Variants in REDIC1 observed in about 807,000 individuals in gnomAD.
The protein encoded by REDIC1 is regulator of DNA class I crossover intermediates 1, also known as HEI10 Interacting Protein 1.
At chr12:39,646,808 A>T in the REDIC1 span, 1 of 1,428,942 alleles carries the variant, frequency 7.0e-7, no homozygotes, top group Non-Finnish European at 9.7e-7. Context: ...ATTTCAATTT[A>T]TATTTTTAAC....
the REDIC1 span, among the ~76,000 whole-genome samples, chr12:39,762,579 G>C: frequency 6.6e-6 from 1 of 152,040 alleles, no homozygotes; most frequent in Admixed American, 6.6e-5. Flanking sequence ...ATATGGTTGA[G>C]GAAGGAATCA....
the REDIC1 span, among the ~76,000 whole-genome samples, chr12:39,655,525 C>T: frequency 6.6e-6 from 1 of 152,184 alleles, no homozygotes; most frequent in Non-Finnish European, 1.5e-5. Context: ...TAGATGACCT[C>T]AGGTCTGGGA....
the REDIC1 span, among the ~76,000 whole-genome samples, chr12:39,712,863 ACAC>A: frequency 7.1e-5 from 1 of 13,994 alleles, no homozygotes; most frequent in African/African-American, 1.0e-4. Flanking sequence ...ATATGTATAT[ACAC>A]GTATATACAC....
At chr12:39,683,391 C>A in the REDIC1 span, 1 of 1,501,880 alleles carries the variant, frequency 6.7e-7, no homozygotes, top group South Asian at 1.1e-5. Flanking sequence ...ATTTTTAACT[C>A]GGTGCATACT....
chr12:39,752,421 C>T, the REDIC1 span, among the ~76,000 whole-genome samples: 1 of 152,158 alleles, frequency 6.6e-6, no homozygotes, highest in Non-Finnish European at 1.5e-5. Flanking sequence ...CCCCATCAAT[C>T]CCCAACCTCC....
chr12:39,827,134 G>A, the REDIC1 span, among the ~76,000 whole-genome samples: 1 of 151,594 alleles, frequency 6.6e-6, no homozygotes, highest in Non-Finnish European at 1.5e-5. Flanking sequence ...ATTCCATGTG[G>A]ATTCCTAACA....
the REDIC1 span, among the ~76,000 whole-genome samples, chr12:39,845,413 TATC>T: frequency 1.3e-5 from 2 of 152,126 alleles, no homozygotes; most frequent in South Asian, 2.1e-4. Context: ...GCATTAGGCT[TATC>T]ATATTATAAG....
chr12:39,776,038 TGA>T, the REDIC1 span, among the ~76,000 whole-genome samples: 2 of 152,220 alleles, frequency 1.3e-5, no homozygotes, highest in Non-Finnish European at 2.9e-5. Context: ...AGTATTAATT[TGA>T]GAAGATGGGA....
At chr12:39,846,520 C>T in the REDIC1 span, among the ~76,000 whole-genome samples, 2 of 152,148 alleles carry the variant, frequency 1.3e-5, no homozygotes, top group African/African-American at 2.4e-5. Flanking sequence ...GGTGCAATCT[C>T]AGGTTACTTC....
At chr12:39,880,560 C>A in the REDIC1 span, among the ~76,000 whole-genome samples, 2 of 152,074 alleles carry the variant, frequency 1.3e-5, no homozygotes, top group Non-Finnish European at 2.9e-5. Context: ...ATACAAAAAT[C>A]ATAGAAACCT....
At chr12:39,899,459 G>GT in the REDIC1 span, among the ~76,000 whole-genome samples, 8 of 152,168 alleles carry the variant, frequency 5.3e-5, no homozygotes, top group Non-Finnish European at 2.9e-5. Context: ...TTTTTAAAGG[G>GT]TTTTTTGTGT....
chr12:39,907,091 A>G, the REDIC1 span, among the ~76,000 whole-genome samples: 1,014 of 152,292 alleles, frequency 6.7e-3, 3 homozygotes, highest in Middle Eastern at 0.021. Flanking sequence ...TTTACATGCT[A>G]TCATATTCAT....
chr12:39,891,299 T>C, the REDIC1 span, among the ~76,000 whole-genome samples: 2 of 151,574 alleles, frequency 1.3e-5, no homozygotes, highest in Non-Finnish European at 2.9e-5. Context: ...GCTTCTTTAC[T>C]TTCCTGACTC....
the REDIC1 span, among the ~76,000 whole-genome samples, chr12:39,820,613 TATG>T: frequency 2.6e-5 from 4 of 151,828 alleles, no homozygotes; most frequent in East Asian, 7.7e-4. Context: ...TTATTTCATT[TATG>T]CTGTCCAGCA....
the REDIC1 span, among the ~76,000 whole-genome samples, chr12:39,845,011 A>G: frequency 1.3e-5 from 2 of 152,054 alleles, no homozygotes; most frequent in Non-Finnish European, 2.9e-5. Flanking sequence ...TGACCACTTG[A>G]TAAAGTTAAA....
the REDIC1 span, chr12:39,721,695 T>A: frequency 6.5e-6 from 1 of 153,180 alleles, no homozygotes; most frequent in Non-Finnish European, 1.5e-5. Flanking sequence ...ATATTTTATG[T>A]CCTCATTATA....
At chr12:39,770,565 C>T in the REDIC1 span, among the ~76,000 whole-genome samples, 1 of 152,140 alleles carries the variant, frequency 6.6e-6, no homozygotes, top group African/African-American at 2.4e-5. Flanking sequence ...GTTTCCTGAT[C>T]TGTGAGATCG....
chr12:39,865,075 G>A, the REDIC1 span, among the ~76,000 whole-genome samples: 2 of 152,150 alleles, frequency 1.3e-5, no homozygotes, highest in Non-Finnish European at 2.9e-5. Context: ...CTATTCACTA[G>A]CACGTTCATT....
the REDIC1 span, among the ~76,000 whole-genome samples, chr12:39,705,058 A>C: frequency 6.6e-6 from 1 of 152,028 alleles, no homozygotes; most frequent in Non-Finnish European, 1.5e-5. Context: ...TGTACCCTAA[A>C]ACTTAAAGTA....
Sources: allele counts gnomAD v4.1 joint callset (sites outside exome capture counted in the v4.1 genomes callset), GRCh38; gene constraint gnomAD v4.1.1; transcripts MANE v1.5; gene names NCBI Gene and HGNC (gene_info 2026-07-23, HGNC 2026-07-21).